The following SLC12A4 variants were observed in gnomAD, a reference collection of about 807,000 sequenced individuals.
SLC12A4 encodes the protein solute carrier family 12 member 4.
A neutral mutation model predicts 119.2 loss-of-function variants in SLC12A4; 84 were observed. That is an observed-to-expected ratio of 0.70 (90% CI 0.59 to 0.85). The LOEUF (loss-of-function observed/expected upper bound fraction) is 0.85. SLC12A4 is among the 40% of genes least tolerant of loss of function. The pLI, the probability that SLC12A4 is intolerant of heterozygous loss-of-function variation, is 0.00. For synonymous variants in SLC12A4, 599 were observed against 604.6 expected (o/e 0.99, Z 0.14); for missense variants, 1,298 against 1,476.3 (o/e 0.88, Z 1.98).
rs142487305 is a variant in SLC12A4, at chr16:67,945,972, G to A, written c.2718C>T (p.Ala906=). The change falls in exon 20 of 24, where the codon GCC becomes GCT. Residue 906 remains alanine (A), a synonymous_variant. Coordinates refer to ENST00000316341, the MANE Select transcript of SLC12A4 (RefSeq NM_005072.5). ...TCACCATCTCCACCACCTCCACCTC[G>A]GCCTCAAGGCGCAGATGGTACAGAA... is the stretch of plus-strand genomic sequence containing the variant. ...AVFLYHLRLE[A]EVEVVEMHNS... is the part of the protein sequence containing the mutation. 2.8e-4 allele frequency: 454 copies of A among 1,613,602 alleles called. No homozygotes were observed. Among genetic ancestry groups the A allele is most frequent in the African/African-American group, 3.6e-4 (27 of 74,914 alleles).
chr16:67,956,084 G>A (rs2030245924), intron 5 of SLC12A4, among the ~76,000 whole-genome samples: 1 of 152,064 alleles, frequency 6.6e-6, no homozygotes, highest in Non-Finnish European at 1.5e-5. Context: ...GGCTGAGGCA[G>A]GAGAATCGCT....
intron 5 of SLC12A4, 109 bp from the exon 6 acceptor site, chr16:67,954,882 T>C (rs1323589093): frequency 7.3e-7 from 1 of 1,369,850 alleles, no homozygotes; most frequent in African/African-American, 1.4e-5. Context: ...CTGCTTTTCC[T>C]GTTTGTGGAT....
chr16:67,944,705 A>G lies in SLC12A4; in HGVS notation c.*135T>C, dbSNP rs2151322622. On this transcript the variant is annotated 3_prime_UTR_variant, in exon 24 of 24. Coordinates refer to ENST00000316341, the MANE Select transcript of SLC12A4 (RefSeq NM_005072.5). This position sits in a 1 kb window ranked among gnomAD's most constrained non-coding sequence, Gnocchi z 6.6. ...CCAGGCCTGGTTTCCAAGGAGACCTAGCAAAGCTGGGTCCAGGACAGGGCC... is the reference window on the plus strand; with the variant it reads ...CCAGGCCTGGTTTCCAAGGAGACCTGGCAAAGCTGGGTCCAGGACAGGGCC... 1 of 1,440,296 alleles carries G rather than the reference A, an allele frequency of 6.9e-7. No individual in the cohort carries two copies. Among genetic ancestry groups the G allele is most frequent in the Non-Finnish European group, 9.1e-7 (1 of 1,099,734 alleles). 89.2% of individuals were successfully genotyped at this position (1,440,296 alleles called of 1,614,324 possible).
At position 67,946,815 on chromosome 16, in the gene SLC12A4, AG is replaced by A. The variant is rs949357169; in HGVS notation, c.2241+121del. 3.9e-6 allele frequency: 5 copies of A among 1,281,482 alleles called. No individual in the cohort carries two copies. The African/African-American group carries it at 7.4e-5, about 19-fold the overall frequency. 79.4% of individuals were successfully genotyped at this position (1,281,482 alleles called of 1,614,324 possible). On this transcript the variant is annotated intron_variant, in intron 17 of 23. Coordinates refer to ENST00000316341, the MANE Select transcript of SLC12A4 (RefSeq NM_005072.5). ...CTGGCTCCCCCTTGTGCCAGCTCTC[AG>A]GTGGCAGCAGTGCTGGCTGCCTGGC...
chr16:67,958,446 A>G (rs1166441743), intron 3 of SLC12A4, among the ~76,000 whole-genome samples: 1 of 152,112 alleles, frequency 6.6e-6, no homozygotes, highest in East Asian at 1.9e-4. Context: ...TAGTCCCGGT[A>G]GACACTAACT....
Position 67,949,865 on chromosome 16 carries a change from C to T in SLC12A4, c.1683G>A (p.Thr561=), listed in dbSNP as rs376538240. ...GGATGCCCAGCTCGGCGATGAGTGCCGTCAGGAGGAGTGCCCATGTGGGTT... is the reference window on the plus strand; with the variant it reads ...GGATGCCCAGCTCGGCGATGAGTGCTGTCAGGAGGAGTGCCCATGTGGGTT... ...NGEPTWALLL[T]ALIAELGILI... Residue 561 remains threonine, a synonymous_variant, in exon 13 of 24, where the codon ACG becomes ACA. Transcript: ENST00000316341. This position sits in a 1 kb window ranked among gnomAD's most constrained non-coding sequence, Gnocchi z 4.6. 13 of 1,609,962 alleles carry T rather than the reference C, an allele frequency of 8.1e-6. No homozygotes were observed. Among genetic ancestry groups the T allele is most frequent in the Middle Eastern group, 1.6e-4 (1 of 6,062 alleles).
At chr16:67,968,358 G>A (rs2030956522) in intron 1 of SLC12A4, 81 bp downstream of exon 1, 1 of 1,293,688 alleles carries the variant, frequency 7.7e-7, no homozygotes, top group Admixed American at 2.9e-5. Flanking sequence ...TCCCGGGATA[G>A]GTGCGGGCGC....
intron 1 of SLC12A4, chr16:67,963,797 T>G: frequency 8.1e-7 from 1 of 1,239,516 alleles, no homozygotes; most frequent in Admixed American, 2.6e-5. Flanking sequence ...GGAATCCAGG[T>G]GAGGGCGCAG....
At chr16:67,945,597 G>A in intron 21 of SLC12A4, 44 bp from the exon 22 acceptor site, 1 of 1,589,956 alleles carries the variant, frequency 6.3e-7, no homozygotes, top group Non-Finnish European at 8.6e-7. Flanking sequence ...ATAGGAAAAG[G>A]GGGATGGGGC....
chr16:67,947,404 C>G lies in SLC12A4; in HGVS notation c.1999G>C (p.Gly667Arg), dbSNP rs1357350689. ...AEKEWGDGIR[G>R]LSLSAARYAL... ...TAGCGGGCAGCGCTCAGGGACAGGC[C>G]TCGGATCCCGTCACCCCACTCCTTC... The change falls in exon 16 of 24, where the codon GGC becomes CGC. Residue 667 changes from glycine (G) to arginine (R), a missense_variant. Gly to Arg is a moderately radical substitution (Grantham distance 125). Transcript: ENST00000316341. 10 of 1,612,766 alleles carry G rather than the reference C, an allele frequency of 6.2e-6. No individual in the cohort carries two copies. Among genetic ancestry groups the G allele is most frequent in the Non-Finnish European group, 8.5e-6 (10 of 1,179,864 alleles).
intron 14 of SLC12A4, 22 bp from the exon 15 acceptor site, chr16:67,947,810 A>C: frequency 6.4e-7 from 1 of 1,569,276 alleles, no homozygotes; most frequent in Non-Finnish European, 8.6e-7. Context: ...GGGAGGGCAG[A>C]GTCAGGGCAG....
chr16:67,946,343 G>C lies in SLC12A4; in HGVS notation c.2438-3C>G. ...AGCCGTAGTGCAGCGCACGGTGTCT[G>C]GGGAGGAGGAGCACGGCTGACCACC... On this transcript the variant is annotated splice_polypyrimidine_tract_variant and splice_region_variant and intron_variant, in intron 18 of 23. Transcript: ENST00000316341. The C allele has an allele frequency of 6.2e-7, 1 of 1,608,342 alleles. No individual in the cohort carries two copies. The highest frequency in any genetic ancestry group is 8.5e-7 in the Non-Finnish European group (1 of 1,179,982).
intron 3 of SLC12A4, among the ~76,000 whole-genome samples, chr16:67,959,683 C>T (rs2030459041): frequency 6.6e-6 from 1 of 152,234 alleles, no homozygotes; most frequent in African/African-American, 2.4e-5. Context: ...CTCCCAGTCC[C>T]ACCCCCATCC....
At chr16:67,964,063 A>T in intron 1 of SLC12A4, 1 of 1,547,714 alleles carries the variant, frequency 6.5e-7, no homozygotes, top group Non-Finnish European at 8.7e-7. Flanking sequence ...CCCACCATGC[A>T]CTGCGCGGGG....
At chr16:67,956,855 A>G (rs558805986) in intron 5 of SLC12A4, among the ~76,000 whole-genome samples, 1 of 145,054 alleles carries the variant, frequency 6.9e-6, no homozygotes, top group South Asian at 2.2e-4. Context: ...TATATATACA[A>G]TTTATGTAAA....
Position 67,946,506 on chromosome 16 carries a change from G to T in SLC12A4, c.2369C>A (p.Ser790Tyr). The change falls in exon 18 of 24, where the codon TCC becomes TAC. Residue 790 changes from serine to tyrosine, a missense_variant. Ser to Tyr is a moderately radical substitution (Grantham distance 144, BLOSUM62 -2). Transcript: ENST00000316341. ...GCCGTAGGGCCAGCCCAGCACCACG[G>T]AGTTATGCCGCATGCCTCCCAGGCC... ...SCGLGGMRHN[S>Y]VVLGWPYGWR... 1 of 1,609,622 alleles carries T rather than the reference G, an allele frequency of 6.2e-7. No individual in the cohort carries two copies. The highest frequency in any genetic ancestry group is 8.5e-7 in the Non-Finnish European group (1 of 1,179,996).
chr16:67,951,204 G>C lies in SLC12A4; in HGVS notation c.1233C>G (p.Tyr411Ter). The C allele has an allele frequency of 6.2e-7, 1 of 1,614,146 alleles. No homozygotes were observed. The highest frequency in any genetic ancestry group is 2.2e-5 in the East Asian group (1 of 44,884). ...APSLKESLPL[Y>*]VVADIATSFT... ...AGGATGTGGCGATGTCAGCGACCAC[G>C]TACAGAGGCAGGCTCTCCTTCAGGC... is the stretch of plus-strand genomic sequence containing the variant. Residue 411 changes from tyrosine to a stop codon, truncating the protein, a stop_gained, in exon 9 of 24, where the codon TAC becomes TAG. Transcript: ENST00000316341. LOFTEE classifies it high-confidence loss of function. This position sits in a 1 kb window ranked among gnomAD's most constrained non-coding sequence, Gnocchi z 5.2.
chr16:67,968,681 G>T, upstream of SLC12A4: 1 of 1,260,444 alleles, frequency 7.9e-7, no homozygotes, highest in East Asian at 3.4e-5. Flanking sequence ...CACTTCCTCC[G>T]CCCGCCCCCC....
Position 67,952,005 on chromosome 16 carries a change from C to A in SLC12A4, c.950G>T (p.Arg317Leu). The stretch of plus-strand genomic sequence containing the variant: ...CTTGGCACAGATGTCAAACTGGTCC[C>A]GGGACAGGGTCCTGTTGCCCAGCAT... ...VCMLGNRTLS[R>L]DQFDICAKTA... is the part of the protein sequence containing the mutation. The change falls in exon 8 of 24, where the codon CGG becomes CTG. Residue 317 changes from arginine to leucine, a missense_variant. Coordinates refer to ENST00000316341, the MANE Select transcript of SLC12A4 (RefSeq NM_005072.5). 1 of 1,614,020 alleles carries A rather than the reference C, an allele frequency of 6.2e-7. No individual in the cohort carries two copies. The highest frequency in any genetic ancestry group is 8.5e-7 in the Non-Finnish European group (1 of 1,180,018).
Sources: allele counts gnomAD v4.1 joint callset (sites outside exome capture counted in the v4.1 genomes callset), GRCh38; gene constraint gnomAD v4.1.1; non-coding constraint Gnocchi (gnomAD v3.1); transcripts MANE v1.5; gene names NCBI Gene and HGNC (gene_info 2026-07-23, HGNC 2026-07-21).